PUM1: variants seen among roughly 807,000 people sequenced by gnomAD.
PUM1 encodes the protein pumilio RNA binding family member 1.
A neutral mutation model predicts 131.8 loss-of-function variants in PUM1; 13 were observed. The ratio of observed to expected loss-of-function variants is 0.10; its 90% CI spans 0.06 to 0.16. The LOEUF (loss-of-function observed/expected upper bound fraction) is 0.16, where lower values mean the gene tolerates loss of function less well. Among genes scored for constraint, PUM1 ranks in the 10% least tolerant of loss-of-function variants. The pLI, the probability that PUM1 is intolerant of heterozygous loss-of-function variation, is 1.00. For synonymous variants in PUM1, 509 were observed against 556.5 expected, an observed-to-expected ratio of 0.91 and a Z score of 1.20; for missense variants, 961 against 1,512.4, an observed-to-expected ratio of 0.64 and a Z score of 6.05.
intron 17 of PUM1, among the ~76,000 whole-genome samples, chr1:30,947,607 T>C (rs1354091686): frequency 6.6e-6 from 1 of 152,214 alleles, no homozygotes; most frequent in Non-Finnish European, 1.5e-5. Context: ...ACCATGGCTA[T>C]ACCTGGTGCC....
intron 2 of PUM1, among the ~76,000 whole-genome samples, chr1:31,056,609 C>CTTTTCTTTTTTT (rs1644245029): frequency 3.9e-4 from 17 of 43,716 alleles, no homozygotes; most frequent in Non-Finnish European, 6.0e-4. Flanking sequence ...CTTTTCTTTT[C>CTTTTCTTTTTTT]TTTTTTTTTT....
intron 3 of PUM1, among the ~76,000 whole-genome samples, chr1:31,020,821 C>T (rs1642992512): frequency 1.3e-5 from 2 of 152,148 alleles, no homozygotes; most frequent in Admixed American, 1.3e-4. Flanking sequence ...TAAACTTTTG[C>T]TACATGCTTC....
At chr1:30,939,976 T>C (rs1345795743) in intron 20 of PUM1, among the ~76,000 whole-genome samples, 3 of 152,202 alleles carry the variant, frequency 2.0e-5, no homozygotes. Context: ...AACAGGAGAC[T>C]GACCCGAAGA....
chr1:30,991,983 G>A (rs1367241518), intron 7 of PUM1, among the ~76,000 whole-genome samples: 2 of 152,190 alleles, frequency 1.3e-5, no homozygotes, highest in African/African-American at 4.8e-5. Context: ...CTGGTAAGAT[G>A]ACCTGGCACT....
chr1:31,038,980 A>ATTTTTT (rs1371242054), intron 2 of PUM1, among the ~76,000 whole-genome samples: 1 of 29,606 alleles, frequency 3.4e-5, no homozygotes, highest in African/African-American at 2.9e-4. Flanking sequence ...ATATATATAT[A>ATTTTTT]TATATTTTTT....
At chr1:30,935,564 A>C (rs1344159716) in intron 21 of PUM1, 1 of 425,944 alleles carries the variant, frequency 2.3e-6, no homozygotes, top group Non-Finnish European at 4.7e-6. Context: ...CTCTGCCTTC[A>C]CCAGCATCCT....
chr1:31,005,928 C>G lies in PUM1; in HGVS notation c.645G>C (p.Gly215=). The change falls in exon 5 of 22, where the codon GGG becomes GGC. Residue 215 remains glycine (G), a synonymous_variant. Coordinates refer to ENST00000426105, the MANE Select transcript of PUM1 (RefSeq NM_001020658.2). ...NSVLSPRSES[G]GLGVSMVEYV... is the part of the protein sequence containing the mutation. ...ACTCCACCATGCTAACGCCTAGTCC[C>G]CCACTCTCCGATCGTGGGGACAGTA... 1 of 1,613,978 alleles carries G rather than the reference C, an allele frequency of 6.2e-7. No individual in the cohort carries two copies. The highest frequency in any genetic ancestry group is 8.5e-7 in the Non-Finnish European group (1 of 1,179,952).
At chr1:31,054,034 C>A (rs556570652) in intron 2 of PUM1, among the ~76,000 whole-genome samples, 1 of 132,418 alleles carries the variant, frequency 7.6e-6, no homozygotes, top group Admixed American at 9.3e-5. Flanking sequence ...GCGGAGGTTG[C>A]AGTGAGCTGA....
At chr1:31,042,102 C>T (rs1057228123) in intron 2 of PUM1, among the ~76,000 whole-genome samples, 7 of 151,952 alleles carry the variant, frequency 4.6e-5, no homozygotes, top group Admixed American at 3.3e-4. Context: ...GTCAGGAGTT[C>T]GAGACCAGCC....
At chr1:31,017,752 T>A (rs1256037874) in intron 3 of PUM1, among the ~76,000 whole-genome samples, 1 of 151,936 alleles carries the variant, frequency 6.6e-6, no homozygotes, top group Admixed American at 6.6e-5. Flanking sequence ...AGGGTAGCAA[T>A]AAGAAGAGGG....
intron 14 of PUM1, among the ~76,000 whole-genome samples, chr1:30,956,562 C>T (rs6693532): frequency 9.9e-5 from 15 of 152,202 alleles, no homozygotes; most frequent in African/African-American, 3.6e-4. Flanking sequence ...CGGCGCCCGG[C>T]CAAGACTGTT....
In PUM1 at chr1:31,041,088, G is replaced by A. The variant is rs1008815445; in HGVS notation, c.364-12224C>T. Reference sequence around the variant, plus strand: ...GAACTATTGTCGGCAGAAACAGGAGGCAGAAATCTAGGATAGCTCCTAACA... The same window carrying A: ...GAACTATTGTCGGCAGAAACAGGAGACAGAAATCTAGGATAGCTCCTAACA... On this transcript the variant is annotated intron_variant, in intron 2 of 21. Transcript: ENST00000426105. 2.4e-4 allele frequency among the ~76,000 whole-genome samples: 37 copies of A among 152,092 alleles called. 1 individual carries two copies. The highest frequency in any genetic ancestry group is 8.2e-4 in the African/African-American group (34 of 41,416).
intron 18 of PUM1, among the ~76,000 whole-genome samples, chr1:30,943,631 T>C (rs1284119742): frequency 1.3e-5 from 2 of 152,158 alleles, no homozygotes; most frequent in Non-Finnish European, 2.9e-5. Context: ...AGAATAATGG[T>C]GTTTAAACAT....
chr1:30,981,567 C>A (rs752704525), intron 7 of PUM1, among the ~76,000 whole-genome samples, 162 bp from the exon 8 acceptor site: 1 of 152,162 alleles, frequency 6.6e-6, no homozygotes, highest in Non-Finnish European at 1.5e-5. Flanking sequence ...TAAAATGTTT[C>A]ATACTTCTGT....
intron 5 of PUM1, among the ~76,000 whole-genome samples, chr1:30,999,521 C>T (rs537435463): frequency 6.3e-5 from 9 of 141,832 alleles, no homozygotes; most frequent in Admixed American, 2.3e-4. Context: ...GCAGGAGAAT[C>T]GCTTGAACCC....
chr1:30,976,436 G>C (rs1415764042), intron 9 of PUM1, among the ~76,000 whole-genome samples: 1 of 152,202 alleles, frequency 6.6e-6, no homozygotes, highest in East Asian at 1.9e-4. Flanking sequence ...ACTGACTGAA[G>C]TTCTGAAGAG....
At chr1:30,957,383 T>C (rs1640212617) in intron 14 of PUM1, among the ~76,000 whole-genome samples, 1 of 152,256 alleles carries the variant, frequency 6.6e-6, no homozygotes, top group South Asian at 2.1e-4. Flanking sequence ...AGATGGCGAA[T>C]GCACAAATGT....
chr1:31,028,421 G>T (rs1017051318), intron 3 of PUM1, among the ~76,000 whole-genome samples: 1 of 19,578 alleles, frequency 5.1e-5, no homozygotes, highest in African/African-American at 4.6e-4. Context: ...GCCATTGGCG[G>T]GGGGGGTGGG....
At position 31,047,760 on chromosome 1, in the gene PUM1, G is replaced by A. The variant is rs1053950712; in HGVS notation, c.363+11444C>T. On this transcript the variant is annotated intron_variant, in intron 2 of 21. Transcript: ENST00000426105. The stretch of plus-strand genomic sequence containing the variant: ...GTGTTCGAGACATCCTGGCCAACAC[G>A]GTGAAACCCCATCTCTACTAAAAGT... 2.8e-4 allele frequency among the ~76,000 whole-genome samples: 43 copies of A among 152,144 alleles called. 1 individual carries two copies. Among genetic ancestry groups the A allele is most frequent in the African/African-American group, 8.9e-4 (37 of 41,436 alleles).
Sources: allele counts gnomAD v4.1 joint callset (sites outside exome capture counted in the v4.1 genomes callset), GRCh38; gene constraint gnomAD v4.1.1; transcripts MANE v1.5; gene names NCBI Gene and HGNC (gene_info 2026-07-23, HGNC 2026-07-21).